Variants in SUGCT observed in about 807,000 individuals in gnomAD.
SUGCT encodes the protein succinyl-CoA:glutarate-CoA transferase.
In SUGCT, 41 loss-of-function variants were observed where a neutral mutation model predicts 55.0. The ratio of observed to expected loss-of-function variants is 0.74; its 90% CI spans 0.58 to 0.97. The LOEUF (loss-of-function observed/expected upper bound fraction) is 0.97, where lower values mean the gene tolerates loss of function less well. Ranked by LOEUF, SUGCT falls within the 50% of genes least tolerant of loss-of-function variation. The pLI, the probability that SUGCT is intolerant of heterozygous loss-of-function variation, is 0.00. For synonymous variants in SUGCT, 187 were observed against 200.4 expected (o/e 0.93, Z 0.56); for missense variants, 568 against 547.8 (o/e 1.04, Z -0.37).
intron 12 of SUGCT, among the ~76,000 whole-genome samples, chr7:40,514,143 GT>G (rs1006557882): frequency 3.5e-4 from 52 of 147,644 alleles, no homozygotes; most frequent in South Asian, 2.6e-3. Flanking sequence ...AATATGGACT[GT>G]TTTTTTTTTC....
intron 12 of SUGCT, among the ~76,000 whole-genome samples, chr7:40,552,072 G>C (rs1421950951): frequency 6.6e-6 from 1 of 152,110 alleles, no homozygotes; most frequent in African/African-American, 2.4e-5. Flanking sequence ...GAGTTCATAG[G>C]TCACCATTCC....
intron 9 of SUGCT, among the ~76,000 whole-genome samples, chr7:40,379,549 G>A (rs1216945465): frequency 2.0e-5 from 3 of 152,106 alleles, no homozygotes; most frequent in Non-Finnish European, 4.4e-5. Flanking sequence ...TTCCTGGTCA[G>A]TTTTCTGAAC....
intron 1 of SUGCT, among the ~76,000 whole-genome samples, chr7:40,161,368 C>G (rs11763047): frequency 6.6e-6 from 1 of 151,918 alleles, no homozygotes; most frequent in African/African-American, 2.4e-5. Flanking sequence ...TGGGCTCTCT[C>G]TATATTTTTT....
At chr7:40,780,689 A>T (rs1789692956) in intron 13 of SUGCT, among the ~76,000 whole-genome samples, 1 of 151,722 alleles carries the variant, frequency 6.6e-6, no homozygotes. Context: ...CATTTATACT[A>T]ATAGGACTTG....
intron 11 of SUGCT, among the ~76,000 whole-genome samples, chr7:40,481,586 C>A (rs935089515): frequency 6.6e-6 from 1 of 151,470 alleles, no homozygotes. Flanking sequence ...ATATAAAAAT[C>A]ATCTACACAT....
intron 9 of SUGCT, among the ~76,000 whole-genome samples, chr7:40,363,912 G>A (rs1040560490): frequency 1.3e-5 from 2 of 152,178 alleles, no homozygotes; most frequent in Non-Finnish European, 2.9e-5. Flanking sequence ...TGACAATGGG[G>A]TGTTAAAGTC....
the SUGCT span, among the ~76,000 whole-genome samples, chr7:41,010,688 G>A: frequency 2.6e-5 from 4 of 152,184 alleles, no homozygotes; most frequent in South Asian, 2.1e-4. Flanking sequence ...GCAAGCCACC[G>A]GAGGGCCATG....
At chr7:40,995,896 A>G in the SUGCT span, among the ~76,000 whole-genome samples, 2 of 152,132 alleles carry the variant, frequency 1.3e-5, no homozygotes, top group South Asian at 4.1e-4. Flanking sequence ...ATTTATGAAA[A>G]GGGACTAACT....
intron 12 of SUGCT, among the ~76,000 whole-genome samples, chr7:40,633,741 C>T (rs1258016902): frequency 5.9e-5 from 9 of 152,268 alleles, no homozygotes; most frequent in Admixed American, 4.6e-4. Flanking sequence ...AGGTTCATGT[C>T]CTATGTGAGG....
chr7:40,362,629 A>G (rs1405565768), intron 9 of SUGCT, among the ~76,000 whole-genome samples: 1 of 152,204 alleles, frequency 6.6e-6, no homozygotes, highest in Non-Finnish European at 1.5e-5. Flanking sequence ...TAATGATTAT[A>G]TCCAACAGAG....
chr7:40,974,195 T>C, the SUGCT span, among the ~76,000 whole-genome samples: 5 of 152,206 alleles, frequency 3.3e-5, no homozygotes, highest in African/African-American at 1.2e-4. Context: ...GTTGTTCACA[T>C]AGGGTGCCCT....
intron 6 of SUGCT, among the ~76,000 whole-genome samples, chr7:40,208,059 T>C (rs1263750384): frequency 6.6e-6 from 1 of 152,160 alleles, no homozygotes; most frequent in Non-Finnish European, 1.5e-5. Context: ...TGAAGACATT[T>C]TGTTAAGTGA....
At chr7:40,855,103 C>T (rs1921751) in intron 13 of SUGCT, among the ~76,000 whole-genome samples, 2,297 of 151,250 alleles carry the variant, frequency 0.015, 143 homozygotes, top group East Asian at 0.1. Context: ...CCTCCATTTC[C>T]AGGAAGTTTC....
intron 1 of SUGCT, among the ~76,000 whole-genome samples, chr7:40,143,345 G>A (rs1278395660): frequency 6.6e-6 from 1 of 152,202 alleles, no homozygotes; most frequent in African/African-American, 2.4e-5. Context: ...GAGACATGAG[G>A]TAAAATTGAT....
chr7:40,899,543 C>G, the SUGCT span, among the ~76,000 whole-genome samples: 1 of 152,148 alleles, frequency 6.6e-6, no homozygotes, highest in Admixed American at 6.5e-5. Context: ...ACAAACAAAA[C>G]TCATAAGACG....
At chr7:40,612,013 T>C (rs181323922) in intron 12 of SUGCT, among the ~76,000 whole-genome samples, 4,459 of 104,948 alleles carry the variant, frequency 0.042, 161 homozygotes, top group African/African-American at 0.12. Context: ...TTCCCCCCCC[T>C]TTTTTTTTTT....
chr7:40,417,597 A>AT (rs1205478036), intron 9 of SUGCT, among the ~76,000 whole-genome samples: 1 of 151,970 alleles, frequency 6.6e-6, no homozygotes, highest in East Asian at 1.9e-4. Context: ...ATTTAAGCAT[A>AT]TTTTTTGTTC....
intron 12 of SUGCT, among the ~76,000 whole-genome samples, chr7:40,677,109 G>T (rs1784032560): frequency 1.3e-5 from 2 of 152,254 alleles, no homozygotes; most frequent in Admixed American, 6.5e-5. Flanking sequence ...TGCACAGCCT[G>T]CATCCCAACA....
Position 40,188,581 on chromosome 7 carries a change from G to A in SUGCT, c.312+1G>A. On this transcript the variant is annotated splice_donor_variant, in intron 4 of 13. Coordinates refer to ENST00000335693, the MANE Select transcript of SUGCT (RefSeq NM_001193313.2). LOFTEE classifies it high-confidence loss of function. ...TCTCAGTGTTAACCGAAATAAAAAA[G>A]TAAGAATATCATCCCTTTTTTGCTT... is the stretch of plus-strand genomic sequence containing the variant. 1 of 1,591,708 alleles carries A rather than the reference G, an allele frequency of 6.3e-7. No individual in the cohort carries two copies. The highest frequency in any genetic ancestry group is 8.5e-7 in the Non-Finnish European group (1 of 1,170,698).
Sources: allele counts gnomAD v4.1 joint callset (sites outside exome capture counted in the v4.1 genomes callset), GRCh38; gene constraint gnomAD v4.1.1; transcripts MANE v1.5; gene names NCBI Gene and HGNC (gene_info 2026-07-23, HGNC 2026-07-21).